The following DSCC1 variants were observed in gnomAD, a reference collection of about 807,000 sequenced individuals.
DSCC1 encodes the protein DNA replication and sister chromatid cohesion 1.
Under a neutral mutation model 48.2 loss-of-function variants are expected in DSCC1, and 32 were observed. The observed-to-expected ratio is 0.66, with a 90% CI of 0.50 to 0.89. The LOEUF (loss-of-function observed/expected upper bound fraction) is 0.89. Among genes scored for constraint, DSCC1 ranks in the 40% least tolerant of loss-of-function variants. DSCC1 has a pLI of 0.00. For missense variants in DSCC1, 421 were observed against 471.7 expected, an observed-to-expected ratio of 0.89 and a Z score of 1.00; for synonymous variants, 150 against 171.5, an observed-to-expected ratio of 0.87 and a Z score of 0.98.
At chr8:119,855,506 G>A in intron 1 of DSCC1, 108 bp downstream of exon 1, 4 of 1,399,158 alleles carry the variant, frequency 2.9e-6, no homozygotes, top group South Asian at 1.5e-5. Context: ...ATGAGCCCCC[G>A]GCCAGGTCAG....
chr8:119,843,547 TCTGTAAAACAA>T, intron 5 of DSCC1, 51 bp downstream of exon 5: 1 of 1,546,906 alleles, frequency 6.5e-7, no homozygotes, highest in Non-Finnish European at 8.7e-7. Flanking sequence ...TTAATTCCAA[TCTGTAAAACAA>T]CTCCCTTCCC....
Position 119,846,999 on chromosome 8 carries a change from T to TA in DSCC1, c.567dup (p.Lys190Ter). The TA allele has an allele frequency of 6.2e-7, 1 of 1,613,746 alleles. No individual in the cohort carries two copies. Among genetic ancestry groups the TA allele is most frequent in the Non-Finnish European group, 8.5e-7 (1 of 1,179,964 alleles). On this transcript the variant is annotated frameshift_variant, in exon 4 of 9. Coordinates refer to ENST00000313655, the MANE Select transcript of DSCC1 (RefSeq NM_024094.3). LOFTEE classifies it high-confidence loss of function. ...TAGTAAGTAACGCTACCTCCAATCT[T>TA]ACAGGCATTTAGAACTTGTAATTGG...
At chr8:119,847,815 G>A (rs1326145482) in intron 3 of DSCC1, among the ~76,000 whole-genome samples, 1 of 151,704 alleles carries the variant, frequency 6.6e-6, no homozygotes, top group Non-Finnish European at 1.5e-5. Flanking sequence ...ACAGGCATGC[G>A]CCACCACACC....
At position 119,854,565 on chromosome 8, in the gene DSCC1, C is replaced by A. The variant is rs553549599; in HGVS notation, c.182+1049G>T. 1.6e-4 allele frequency among the ~76,000 whole-genome samples: 24 copies of A among 152,338 alleles called. No homozygotes were observed. In the South Asian group the frequency reaches 5.0e-3, roughly 32 times the overall value. On this transcript the variant is annotated intron_variant, in intron 1 of 8. Coordinates refer to ENST00000313655, the MANE Select transcript of DSCC1 (RefSeq NM_024094.3). ...TATTTCTCTAACTGCACTACCCCCA[C>A]TTTGAAATATTTTGTTTATACCATC...
chr8:119,838,747 T>G (rs1826723063), intron 7 of DSCC1: 1 of 163,528 alleles, frequency 6.1e-6, no homozygotes, highest in Admixed American at 6.5e-5. Flanking sequence ...TTTTTTTTCC[T>G]TTTTGAGACA....
chr8:119,851,208 A>G (rs186831898), intron 2 of DSCC1, among the ~76,000 whole-genome samples: 2 of 152,312 alleles, frequency 1.3e-5, no homozygotes, highest in Non-Finnish European at 2.9e-5. Context: ...AAAAGGCTCA[A>G]CTGGATTATC....
intron 3 of DSCC1, among the ~76,000 whole-genome samples, chr8:119,849,251 A>G (rs1826910094): frequency 6.6e-6 from 1 of 151,126 alleles, no homozygotes; most frequent in Admixed American, 6.6e-5. Context: ...TACTGAAAGT[A>G]CAAAATTAGC....
At chr8:119,846,926 A>T in intron 4 of DSCC1, 64 bp downstream of exon 4, 1 of 1,473,440 alleles carries the variant, frequency 6.8e-7, no homozygotes, top group Non-Finnish European at 9.4e-7. Context: ...GAAGATGTCC[A>T]AAAACTTCTC....
Position 119,843,616 on chromosome 8 carries a change from C to T in DSCC1, c.709G>A (p.Glu237Lys), listed in dbSNP as rs943443231. 3 of 1,608,822 alleles carry T rather than the reference C, an allele frequency of 1.9e-6. No homozygotes were observed. The highest frequency in any genetic ancestry group is 2.5e-6 in the Non-Finnish European group (3 of 1,178,888). Residue 237 changes from glutamate (E) to lysine (K), a missense_variant, in exon 5 of 9, where the codon GAG (glutamate) becomes AAG (lysine). Transcript: ENST00000313655. ...AGAAATTAAAATACTTACTCTGGCT[C>T]CAATGGTCCGAGTTCCTGAAGGCAT... ...NTCLQELGPL[E>K]PEEMIEHCLK...
chr8:119,835,094 A>G lies in DSCC1; in HGVS notation c.1074-93T>C. The G allele has an allele frequency of 3.6e-6, 3 of 834,180 alleles. No individual in the cohort carries two copies. In the Admixed American group the frequency reaches 9.2e-5, roughly 26 times the overall value. 51.7% of individuals were successfully genotyped at this position (834,180 alleles called of 1,614,324 possible). ...ACTTATTTTCTCTCTCTCCCCCTGA[A>G]TCTGTCTTCTCAACAAGCGTAAGTG... On this transcript the variant is annotated intron_variant, in intron 8 of 8. Transcript: ENST00000313655.
chr8:119,835,064 TA>T, intron 8 of DSCC1, 63 bp from the exon 9 acceptor site: 1 of 1,091,124 alleles, frequency 9.2e-7, no homozygotes, highest in Non-Finnish European at 1.3e-6. Context: ...GATACAGTAC[TA>T]TGTACTTATT....
chr8:119,839,074 C>CT (rs1280619542), intron 7 of DSCC1: 3 of 152,144 alleles, frequency 2.0e-5, no homozygotes, highest in African/African-American at 7.2e-5. Flanking sequence ...ACTCCTCCTC[C>CT]TTTAAATATC....
At chr8:119,842,609 AT>A (rs1420004666) in intron 6 of DSCC1, among the ~76,000 whole-genome samples, 166 bp downstream of exon 6, 1 of 151,588 alleles carries the variant, frequency 6.6e-6, no homozygotes, top group Non-Finnish European at 1.5e-5. Flanking sequence ...TGGTCTTGAA[AT>A]CCTGGGTTCA....
chr8:119,838,227 C>T, intron 8 of DSCC1, 32 bp downstream of exon 8: 3 of 1,511,636 alleles, frequency 2.0e-6, no homozygotes, highest in Non-Finnish European at 2.6e-6. Flanking sequence ...AAAAGAACGA[C>T]CCTCAAAATC....
At position 119,850,381 on chromosome 8, in the gene DSCC1, C is replaced by T; in HGVS notation, c.486+1G>A. 1 of 1,558,504 alleles carries T rather than the reference C, an allele frequency of 6.4e-7. No homozygotes were observed. Among genetic ancestry groups the T allele is most frequent in the Non-Finnish European group, 8.6e-7 (1 of 1,161,604 alleles). ...AATAAAAAAGTGAAAATAAGTCTTACTTTTGAGCTATTTGAATCCTTCTCT... is the reference window on the plus strand; with the variant it reads ...AATAAAAAAGTGAAAATAAGTCTTATTTTTGAGCTATTTGAATCCTTCTCT... On this transcript the variant is annotated splice_donor_variant, in intron 3 of 8. Transcript: ENST00000313655. LOFTEE classifies it high-confidence loss of function.
intron 4 of DSCC1, among the ~76,000 whole-genome samples, chr8:119,845,147 A>G (rs1361720377): frequency 6.6e-6 from 1 of 151,766 alleles, no homozygotes; most frequent in African/African-American, 2.4e-5. Context: ...GCGTAGTGGC[A>G]CGATCTCAGC....
chr8:119,848,546 C>A (rs1194251316), intron 3 of DSCC1, among the ~76,000 whole-genome samples: 1 of 152,182 alleles, frequency 6.6e-6, no homozygotes, highest in Non-Finnish European at 1.5e-5. Flanking sequence ...TGCAGCCACT[C>A]TGGAAACAGT....
intron 4 of DSCC1, among the ~76,000 whole-genome samples, chr8:119,844,435 CAA>C (rs71571634): frequency 3.1e-4 from 32 of 103,860 alleles, no homozygotes; most frequent in Admixed American, 5.4e-4. Context: ...AGACTGTCTC[CAA>C]AAAAAAAAAA....
intron 4 of DSCC1, among the ~76,000 whole-genome samples, chr8:119,846,278 TGA>T (rs1391876405): frequency 6.6e-6 from 1 of 152,030 alleles, no homozygotes; most frequent in Admixed American, 6.5e-5. Flanking sequence ...CACGCCTGGT[TGA>T]TTTTTGTATT....
Sources: allele counts gnomAD v4.1 joint callset (sites outside exome capture counted in the v4.1 genomes callset), GRCh38; gene constraint gnomAD v4.1.1; transcripts MANE v1.5; gene names NCBI Gene and HGNC (gene_info 2026-07-23, HGNC 2026-07-21).